The following MTUS2 variants were observed in gnomAD, a reference collection of about 807,000 sequenced individuals.
MTUS2 encodes the protein microtubule-associated tumor suppressor candidate 2.
In MTUS2, 40 loss-of-function variants were observed where a neutral mutation model predicts 114.1. The ratio of observed to expected loss-of-function variants is 0.35; its 90% CI spans 0.27 to 0.46. The LOEUF (loss-of-function observed/expected upper bound fraction) is 0.46, where lower values mean the gene tolerates loss of function less well. Ranked by LOEUF, MTUS2 falls within the 20% of genes least tolerant of loss-of-function variation. MTUS2 has a pLI of 1.00. For missense variants in MTUS2, 1,679 were observed against 1,705.4 expected, an observed-to-expected ratio of 0.98 and a Z score of 0.27; for synonymous variants, 688 against 672.0, an observed-to-expected ratio of 1.02 and a Z score of -0.37.
intron 7 of MTUS2, among the ~76,000 whole-genome samples, chr13:29,354,259 T>G (rs978269323): frequency 4.3e-4 from 61 of 143,398 alleles, no homozygotes; most frequent in Non-Finnish European, 5.0e-4. Flanking sequence ...TTTTTTTTTT[T>G]GCTGGTTTCA....
rs76964777 is a variant in MTUS2, at chr13:29,461,462, C to T, written c.3185-18688C>T. 1.2e-3 allele frequency among the ~76,000 whole-genome samples: 179 copies of T among 152,224 alleles called. 6 individuals are homozygous for T. The East Asian group carries it at 0.032, about 27-fold the overall frequency. ...AAATCACTCCATCCCAGGAAGCAAC[C>T]CTACAGTATACAAAGATACATACAA... On this transcript the variant is annotated intron_variant, in intron 9 of 15. Transcript: ENST00000612955.
chr13:28,969,267 A>C (rs1202916454), intron 2 of MTUS2, among the ~76,000 whole-genome samples: 2 of 151,932 alleles, frequency 1.3e-5, no homozygotes, highest in Non-Finnish European at 2.9e-5. Context: ...GTTGCAAACT[A>C]TTTTTTTAAT....
intron 9 of MTUS2, among the ~76,000 whole-genome samples, chr13:29,460,944 T>G (rs1879444195): frequency 6.6e-6 from 1 of 152,104 alleles, no homozygotes; most frequent in Non-Finnish European, 1.5e-5. Context: ...TTCTGTGGGA[T>G]TTTTCTCTTT....
At chr13:29,471,070 G>C (rs2997403) in intron 9 of MTUS2, among the ~76,000 whole-genome samples, 52,665 of 152,018 alleles carry the variant, frequency 0.35, 11,502 homozygotes, top group African/African-American at 0.63. Flanking sequence ...TGGCGGGGCG[G>C]GGTGGCTCAC....
chr13:29,232,626 A>G (rs1896379260), intron 5 of MTUS2, among the ~76,000 whole-genome samples: 1 of 151,992 alleles, frequency 6.6e-6, no homozygotes, highest in African/African-American at 2.4e-5. Flanking sequence ...TAAGTGGCTT[A>G]TTTTTTTACC....
At chr13:29,220,742 T>G (rs919357899) in intron 5 of MTUS2, among the ~76,000 whole-genome samples, 2 of 152,158 alleles carry the variant, frequency 1.3e-5, no homozygotes, top group East Asian at 3.9e-4. Flanking sequence ...TGAAAAAGTT[T>G]GAAAGATTGT....
At chr13:29,489,233 T>C (rs1426444175) in intron 11 of MTUS2, among the ~76,000 whole-genome samples, 2 of 152,052 alleles carry the variant, frequency 1.3e-5, no homozygotes, top group Admixed American at 6.5e-5. Flanking sequence ...GATTGCGCCA[T>C]TGCACTCCAG....
At chr13:29,212,682 G>A (rs1323963174) in intron 5 of MTUS2, among the ~76,000 whole-genome samples, 1 of 152,258 alleles carries the variant, frequency 6.6e-6, no homozygotes, top group African/African-American at 2.4e-5. Context: ...ATATTATAAA[G>A]GATACAGATG....
intron 9 of MTUS2, among the ~76,000 whole-genome samples, chr13:29,451,110 A>T (rs1474343189): frequency 6.6e-6 from 1 of 152,218 alleles, no homozygotes; most frequent in African/African-American, 2.4e-5. Flanking sequence ...ACGTTACAGA[A>T]TGCTCTATCC....
rs562035236 is a variant in MTUS2, at chr13:29,115,258, T to C, written c.2644+14288T>C. Among the ~76,000 whole-genome samples the C allele has an allele frequency of 8.2e-4, 125 of 152,352 alleles. 1 individual carries two copies. The highest frequency in any genetic ancestry group is 2.9e-3 in the African/African-American group (121 of 41,586). The stretch of plus-strand genomic sequence containing the variant: ...GTCAATGCTAAGCTGATGTATTCTG[T>C]TGAATGTTCTTATGCGGTTGAATAT... On this transcript the variant is annotated intron_variant, in intron 5 of 15. Transcript: ENST00000612955.
Position 29,503,050 on chromosome 13 carries a change from G to C in MTUS2, c.3954G>C (p.Glu1318Asp). The change falls in exon 16 of 16, where the codon GAG (glutamate) becomes GAC (aspartate). Residue 1318 changes from glutamate (E) to aspartate (D), a missense_variant. Physicochemically the swap from Glu to Asp is conservative, Grantham distance 45. Coordinates refer to ENST00000612955, the MANE Select transcript of MTUS2 (RefSeq NM_001033602.4). ...LQEYVEKETQ[E>D]KKRLSRTNEE... ...AATATGTTGAGAAGGAAACCCAGGAGAAGAAGAGATTGAGCCGAACCAATG... is the reference window on the plus strand; with the variant it reads ...AATATGTTGAGAAGGAAACCCAGGACAAGAAGAGATTGAGCCGAACCAATG... 6.2e-7 allele frequency: 1 copy of C among 1,614,222 alleles called. No homozygotes were observed. Among genetic ancestry groups the C allele is most frequent in the South Asian group, 1.1e-5 (1 of 91,080 alleles).
chr13:29,218,399 G>A (rs934797824), intron 5 of MTUS2, among the ~76,000 whole-genome samples: 1 of 152,234 alleles, frequency 6.6e-6, no homozygotes, highest in African/African-American at 2.4e-5. Flanking sequence ...TATGTGGGTT[G>A]GAATCAATTT....
intron 8 of MTUS2, among the ~76,000 whole-genome samples, chr13:29,366,617 A>T (rs1870737639): frequency 6.6e-6 from 1 of 152,340 alleles, no homozygotes; most frequent in East Asian, 1.9e-4. Flanking sequence ...CATACCTGGT[A>T]TGGGACCATC....
At chr13:29,202,410 C>G (rs1235733170) in intron 5 of MTUS2, among the ~76,000 whole-genome samples, 1 of 152,014 alleles carries the variant, frequency 6.6e-6, no homozygotes, top group African/African-American at 2.4e-5. Context: ...TTCCTCTCAC[C>G]TTTTTTCAAG....
intron 4 of MTUS2, among the ~76,000 whole-genome samples, chr13:29,056,847 T>G (rs1888157300): frequency 6.6e-6 from 1 of 152,154 alleles, no homozygotes; most frequent in Non-Finnish European, 1.5e-5. Context: ...TCTTGTCTTC[T>G]GCTAGCTTTG....
chr13:29,404,121 C>G (rs918486702), intron 8 of MTUS2, among the ~76,000 whole-genome samples: 19 of 149,238 alleles, frequency 1.3e-4, no homozygotes, highest in African/African-American at 4.7e-4. Flanking sequence ...TGTCCCTCCC[C>G]TATTAAAAAT....
intron 2 of MTUS2, among the ~76,000 whole-genome samples, chr13:28,904,184 C>A (rs866149428): frequency 6.6e-6 from 1 of 152,016 alleles, no homozygotes; most frequent in East Asian, 1.9e-4. Context: ...GAGTAGGTTG[C>A]GAAAATTTTC....
At chr13:29,273,376 G>T (rs576329186) in intron 5 of MTUS2, among the ~76,000 whole-genome samples, 9 of 152,184 alleles carry the variant, frequency 5.9e-5, no homozygotes, top group African/African-American at 2.2e-4. Flanking sequence ...CAGATTGGTT[G>T]GAATCCACTG....
intron 4 of MTUS2, among the ~76,000 whole-genome samples, chr13:29,036,910 C>T (rs1323840954): frequency 4.0e-5 from 6 of 151,692 alleles, no homozygotes; most frequent in Admixed American, 3.3e-4. Context: ...TGTCTTTACA[C>T]GTGAGATGGG....
Sources: gnomAD v4.1 joint callset for allele counts (sites outside exome capture counted in the v4.1 genomes callset) on GRCh38, gnomAD v4.1.1 for gene constraint, MANE v1.5 for transcripts, NCBI Gene and HGNC (gene_info 2026-07-23, HGNC 2026-07-21) for gene names.